Variants in WWOX observed in about 807,000 individuals in gnomAD.
The protein encoded by WWOX is WW domain-containing oxidoreductase.
A neutral mutation model predicts 46.2 loss-of-function variants in WWOX; 69 were observed. The observed-to-expected ratio is 1.49, with a 90% confidence interval of 1.23 to 1.82. WWOX has a LOEUF of 1.82. WWOX is among the 40% of genes most tolerant of loss of function. WWOX has a pLI of 0.00. For missense variants in WWOX, 919 were observed against 542.6 expected (o/e 1.69, Z -6.89); for synonymous variants, 359 against 202.6 (o/e 1.77, Z -6.56).
chr16:78,741,712 G>C (rs1396319108), intron 8 of WWOX, among the ~76,000 whole-genome samples: 1 of 151,740 alleles, frequency 6.6e-6, no homozygotes, highest in Non-Finnish European at 1.5e-5. Context: ...GAAATCAGTG[G>C]GGCATGGGGC....
intron 5 of WWOX, among the ~76,000 whole-genome samples, chr16:78,362,348 G>A (rs1001190552): frequency 3.9e-5 from 6 of 152,036 alleles, no homozygotes; most frequent in Non-Finnish European, 4.4e-5. Flanking sequence ...ACAGGCTTAA[G>A]CCTGTAATCC....
chr16:78,477,471 T>C (rs1340431094), intron 8 of WWOX, among the ~76,000 whole-genome samples: 4 of 152,164 alleles, frequency 2.6e-5, no homozygotes, highest in Non-Finnish European at 5.9e-5. Context: ...TTGATCCTTA[T>C]TAAACCTCAC....
chr16:78,765,436 T>C (rs2049904300), intron 8 of WWOX, among the ~76,000 whole-genome samples: 1 of 152,138 alleles, frequency 6.6e-6, no homozygotes, highest in African/African-American at 2.4e-5. Context: ...CCCAGCACTT[T>C]GGGAGGCTGA....
chr16:78,439,752 C>T (rs2083406419), intron 8 of WWOX, among the ~76,000 whole-genome samples: 2 of 152,150 alleles, frequency 1.3e-5, no homozygotes, highest in South Asian at 4.1e-4. Context: ...TCCCATGTAT[C>T]CAGAGTTGCT....
intron 8 of WWOX, among the ~76,000 whole-genome samples, chr16:79,031,930 A>G (rs1163871542): frequency 1.3e-5 from 1 of 75,854 alleles, no homozygotes; most frequent in African/African-American, 3.3e-5. Context: ...ATATATAGAT[A>G]TCTGTATACA....
At chr16:78,206,117 G>T (rs1353196796) in intron 5 of WWOX, among the ~76,000 whole-genome samples, 1 of 151,902 alleles carries the variant, frequency 6.6e-6, no homozygotes, top group Non-Finnish European at 1.5e-5. Context: ...AGAATGTCTA[G>T]GCTAAGGAGT....
At chr16:79,113,796 C>G (rs1027713563) in intron 8 of WWOX, among the ~76,000 whole-genome samples, 31 of 152,204 alleles carry the variant, frequency 2.0e-4, no homozygotes, top group African/African-American at 7.0e-4. Flanking sequence ...GGAGAGATTT[C>G]CAGGCAAAGT....
chr16:78,449,104 C>G (rs2083628512), intron 8 of WWOX, among the ~76,000 whole-genome samples: 1 of 152,176 alleles, frequency 6.6e-6, no homozygotes, highest in Admixed American at 6.5e-5. Flanking sequence ...GATCCACTTG[C>G]AAGCCCACGT....
intron 8 of WWOX, among the ~76,000 whole-genome samples, chr16:79,029,753 G>C (rs368037892): frequency 3.3e-5 from 5 of 152,214 alleles, no homozygotes; most frequent in African/African-American, 1.2e-4. Context: ...GAGCTTCCAG[G>C]AATCTCAATT....
chr16:78,969,673 A>AAGAAG (rs1293592791), intron 8 of WWOX, among the ~76,000 whole-genome samples: 3 of 152,078 alleles, frequency 2.0e-5, no homozygotes, highest in Non-Finnish European at 4.4e-5. Context: ...AGCTTTAATA[A>AAGAAG]AGAAGAGAAA....
intron 8 of WWOX, among the ~76,000 whole-genome samples, chr16:78,932,421 C>T (rs1453409009): frequency 1.3e-5 from 2 of 152,190 alleles, no homozygotes; most frequent in Non-Finnish European, 2.9e-5. Context: ...GAACATGCTG[C>T]GTCAGAGAGT....
In WWOX at chr16:79,164,073, A is replaced by T. The variant is rs188472789; in HGVS notation, c.1057-47535A>T. Among the ~76,000 whole-genome samples the T allele has an allele frequency of 3.2e-3, 493 of 152,348 alleles. 1 individual carries two copies. Among genetic ancestry groups the T allele is most frequent in the African/African-American group, 0.011 (472 of 41,570 alleles). ...CAGGCGTGATCGCGTTCACCCATTC[A>T]GTTTGCCATATAAAAGCTTTTCCTC... On this transcript the variant is annotated intron_variant, in intron 8 of 8. Coordinates refer to ENST00000566780, the MANE Select transcript of WWOX (RefSeq NM_016373.4).
chr16:78,903,517 C>G (rs2044881278), intron 8 of WWOX, among the ~76,000 whole-genome samples: 1 of 152,226 alleles, frequency 6.6e-6, no homozygotes, highest in African/African-American at 2.4e-5. Context: ...CTTTCAATTT[C>G]CCATCTGCCC....
chr16:78,150,338 A>G (rs903020659), intron 4 of WWOX, among the ~76,000 whole-genome samples: 1 of 152,162 alleles, frequency 6.6e-6, no homozygotes, highest in African/African-American at 2.4e-5. Flanking sequence ...ATGCTCAGCA[A>G]TCTGGAAGCT....
intron 5 of WWOX, among the ~76,000 whole-genome samples, chr16:78,277,296 G>A (rs1029376967): frequency 3.9e-5 from 6 of 152,178 alleles, no homozygotes; most frequent in African/African-American, 1.4e-4. Flanking sequence ...TTTTGGCCAG[G>A]TTTGTGTAAG....
At chr16:78,495,575 C>T (rs902341952) in intron 8 of WWOX, among the ~76,000 whole-genome samples, 1 of 149,182 alleles carries the variant, frequency 6.7e-6, no homozygotes, top group East Asian at 2.0e-4. Context: ...GTGGTGTGAT[C>T]TCAGCTCACT....
At chr16:78,197,682 C>T (rs1035130289) in intron 5 of WWOX, among the ~76,000 whole-genome samples, 3 of 152,082 alleles carry the variant, frequency 2.0e-5, no homozygotes, top group Non-Finnish European at 4.4e-5. Flanking sequence ...GCATGCCAAA[C>T]GTTTATAGAC....
chr16:78,969,283 C>CT (rs2046424175), intron 8 of WWOX, among the ~76,000 whole-genome samples: 1 of 119,060 alleles, frequency 8.4e-6, no homozygotes, highest in East Asian at 2.6e-4. Flanking sequence ...TTTTTTTTTT[C>CT]TTTTTGAGGA....
chr16:78,585,397 C>G (rs1420714960), intron 8 of WWOX, among the ~76,000 whole-genome samples: 1 of 152,172 alleles, frequency 6.6e-6, no homozygotes. Flanking sequence ...GGATCGGCCA[C>G]TTACTTGTGG....
Sources: allele counts gnomAD v4.1 joint callset (sites outside exome capture counted in the v4.1 genomes callset), GRCh38; gene constraint gnomAD v4.1.1; transcripts MANE v1.5; gene names NCBI Gene and HGNC (gene_info 2026-07-23, HGNC 2026-07-21).